The following CCDC192 variants were observed in gnomAD, a reference collection of about 807,000 sequenced individuals.
The protein encoded by CCDC192 is coiled-coil domain containing 192.
At position 127,912,976 on chromosome 5, in the gene CCDC192, T is replaced by A. The variant is rs112634642; in HGVS notation, c.536-28206T>A. The stretch of plus-strand genomic sequence containing the variant: ...GGTCCCATCATCAAAAGTCAAACTG[T>A]CCAAAAGCTTTTCCATGCCCTATTG... On this transcript the variant is annotated intron_variant, in intron 6 of 6. Transcript: ENST00000514853. Among the ~76,000 whole-genome samples, 788 of 152,286 alleles carry A rather than the reference T, an allele frequency of 5.2e-3. 12 individuals are homozygous for A. Among genetic ancestry groups the A allele is most frequent in the African/African-American group, 0.018 (767 of 41,546 alleles).
intron 2 of CCDC192, among the ~76,000 whole-genome samples, chr5:127,752,425 G>GGGGGTCA (rs1438370606): frequency 1.3e-5 from 2 of 152,156 alleles, no homozygotes; most frequent in Non-Finnish European, 2.9e-5. Flanking sequence ...TAGGCTGCTC[G>GGGGGTCA]GGGGTCAGGG....
At chr5:127,766,608 TAAAAA>T (rs548715145) in intron 3 of CCDC192, among the ~76,000 whole-genome samples, 46 of 98,974 alleles carry the variant, frequency 4.6e-4, no homozygotes, top group African/African-American at 1.5e-3. Flanking sequence ...ACGTCCTGTG[TAAAAA>T]AAAAAAAAAA....
At chr5:127,860,374 G>A (rs6864687) in intron 5 of CCDC192, among the ~76,000 whole-genome samples, 59,478 of 151,852 alleles carry the variant, frequency 0.39, 11,853 homozygotes, top group East Asian at 0.54. Flanking sequence ...TCTCTGCTTT[G>A]GAAAGTTTAA....
chr5:127,794,118 T>C (rs1757032158), intron 3 of CCDC192, among the ~76,000 whole-genome samples: 1 of 152,172 alleles, frequency 6.6e-6, no homozygotes, highest in Admixed American at 6.5e-5. Flanking sequence ...TTCTGTGCAG[T>C]GTGAGTAACC....
At chr5:127,823,210 C>T (rs895973241) in intron 5 of CCDC192, among the ~76,000 whole-genome samples, 1 of 152,194 alleles carries the variant, frequency 6.6e-6, no homozygotes, top group Non-Finnish European at 1.5e-5. Context: ...AGGTGTCTCT[C>T]CCACACTTTG....
At chr5:127,800,926 G>A (rs957654383) in intron 5 of CCDC192, among the ~76,000 whole-genome samples, 1 of 151,880 alleles carries the variant, frequency 6.6e-6, no homozygotes, top group Non-Finnish European at 1.5e-5. Context: ...TTTAATTATT[G>A]TAACTGGCCC....
intron 6 of CCDC192, among the ~76,000 whole-genome samples, chr5:127,909,257 A>T (rs1309887356): frequency 6.6e-6 from 1 of 152,090 alleles, no homozygotes; most frequent in Non-Finnish European, 1.5e-5. Flanking sequence ...GGACTTTTCA[A>T]GGCCCTTCAC....
chr5:127,769,951 AGAGG>A (rs1755453290), intron 3 of CCDC192, among the ~76,000 whole-genome samples: 2 of 152,216 alleles, frequency 1.3e-5, no homozygotes, highest in Admixed American at 1.3e-4. Context: ...AAAAACGGAA[AGAGG>A]GAGGGAGGAA....
At chr5:127,756,700 A>G (rs1342039988) in intron 3 of CCDC192, among the ~76,000 whole-genome samples, 1 of 152,246 alleles carries the variant, frequency 6.6e-6, no homozygotes, top group Admixed American at 6.5e-5. Flanking sequence ...TAGTTCTGCA[A>G]GGGCAGATTG....
intron 4 of CCDC192, among the ~76,000 whole-genome samples, chr5:127,797,762 TATATATATATATA>T (rs538919597): frequency 0.19 from 5,128 of 26,760 alleles, 326 homozygotes; most frequent in East Asian, 0.42. Flanking sequence ...TATATATATA[TATATATATATATA>T]TATTTATTTA....
chr5:127,896,692 C>T (rs1182681903), intron 6 of CCDC192, among the ~76,000 whole-genome samples: 7 of 152,226 alleles, frequency 4.6e-5, no homozygotes, highest in African/African-American at 1.2e-4. Flanking sequence ...ATGATCCACC[C>T]GCCTCGGCCT....
chr5:127,785,882 C>T, intron 3 of CCDC192: 2 of 384,618 alleles, frequency 5.2e-6, no homozygotes, highest in South Asian at 2.9e-5. Context: ...GCCACAAAGC[C>T]AGTGTCATTG....
At chr5:127,770,251 A>G (rs1018771588) in intron 3 of CCDC192, among the ~76,000 whole-genome samples, 1 of 152,192 alleles carries the variant, frequency 6.6e-6, no homozygotes, top group Non-Finnish European at 1.5e-5. Flanking sequence ...AACCTAGCTC[A>G]GTTATCTTTT....
At chr5:127,860,951 G>A (rs1180138963) in intron 5 of CCDC192, among the ~76,000 whole-genome samples, 2 of 152,170 alleles carry the variant, frequency 1.3e-5, no homozygotes, top group Non-Finnish European at 2.9e-5. Context: ...GTATTTGTGT[G>A]TTAAGTAGAC....
intron 3 of CCDC192, among the ~76,000 whole-genome samples, chr5:127,780,257 G>C (rs564975731): frequency 1.3e-5 from 2 of 152,202 alleles, no homozygotes; most frequent in Admixed American, 6.5e-5. Context: ...ATTGTGAATT[G>C]TGCTGCTATA....
Position 127,845,260 on chromosome 5 carries a change from T to C in CCDC192, c.412-30278T>C, listed in dbSNP as rs1275609689. On this transcript the variant is annotated intron_variant, in intron 5 of 6. Coordinates refer to ENST00000514853, the MANE Select transcript of CCDC192 (RefSeq NM_001317938.2). Reference sequence around the variant, plus strand: ...AGGAGAGTCAGGGAGTGAGTTGGGATGCTGCTAGTAGGAATAGTGAGAGTG... The same window carrying C: ...AGGAGAGTCAGGGAGTGAGTTGGGACGCTGCTAGTAGGAATAGTGAGAGTG... Among the ~76,000 whole-genome samples, 4 of 152,178 alleles carry C rather than the reference T, an allele frequency of 2.6e-5. No homozygotes were observed. The South Asian group carries it at 8.3e-4, about 32-fold the overall frequency.
intron 2 of CCDC192, among the ~76,000 whole-genome samples, chr5:127,722,225 C>T (rs1167742365): frequency 1.3e-5 from 2 of 152,018 alleles, no homozygotes; most frequent in African/African-American, 4.8e-5. Flanking sequence ...TGATGTCAAG[C>T]ACTTCTTCGT....
At chr5:127,938,212 A>C (rs1754238897) in intron 6 of CCDC192, among the ~76,000 whole-genome samples, 1 of 152,216 alleles carries the variant, frequency 6.6e-6, no homozygotes, top group Non-Finnish European at 1.5e-5. Context: ...AAAGCCTGCT[A>C]CCTGGGTACC....
intron 5 of CCDC192, among the ~76,000 whole-genome samples, chr5:127,839,757 C>CAATTCCTATTTAG (rs1357082191): frequency 3.0e-4 from 46 of 151,990 alleles, no homozygotes; most frequent in African/African-American, 1.1e-3. Context: ...AATAGGGATA[C>CAATTCCTATTTAG]TGTATTTCAT....
Sources: gnomAD v4.1 joint callset for allele counts (sites outside exome capture counted in the v4.1 genomes callset) on GRCh38, gnomAD v4.1.1 for gene constraint, MANE v1.5 for transcripts, NCBI Gene and HGNC (gene_info 2026-07-23, HGNC 2026-07-21) for gene names.